Variants in FRMPD4 observed in about 807,000 individuals in gnomAD.
The protein encoded by FRMPD4 is FERM and PDZ domain containing 4.
Under a neutral mutation model 94.1 loss-of-function variants are expected in FRMPD4, and 22 were observed. The ratio of observed to expected loss-of-function variants is 0.23; its 90% CI spans 0.17 to 0.33. The LOEUF (loss-of-function observed/expected upper bound fraction) is 0.33, where lower values mean the gene tolerates loss of function less well. Among genes scored for constraint, FRMPD4 ranks in the 10% least tolerant of loss-of-function variants. FRMPD4 has a pLI of 1.00. For missense variants in FRMPD4, 1,111 were observed against 1,339.9 expected (o/e 0.83, Z 2.67); for synonymous variants, 631 against 548.6 (o/e 1.15, Z -2.10).
intron 1 of FRMPD4, among the ~76,000 whole-genome samples, chrX:12,155,581 C>CAA (rs60727413): frequency 0.07 from 1,534 of 21,913 alleles, 250 homozygotes; most frequent in African/African-American, 0.12. Flanking sequence ...CATATCCTCA[C>CAA]AAAAAAAAAA....
At chrX:12,564,804 A>G (rs2058695666) in intron 2 of FRMPD4, among the ~76,000 whole-genome samples, 1 of 94,962 alleles carries the variant, frequency 1.1e-5, no homozygotes, top group Non-Finnish European at 2.1e-5. Flanking sequence ...AACATCTCAT[A>G]GTACTACAAG....
At chrX:12,011,433 T>C (rs1005325511) in intron 3 of FRMPD4, among the ~76,000 whole-genome samples, 1 of 112,367 alleles carries the variant, frequency 8.9e-6, no homozygotes, top group African/African-American at 3.2e-5. Flanking sequence ...GATTCAATCA[T>C]ACTAGCCACA....
intron 2 of FRMPD4, among the ~76,000 whole-genome samples, chrX:12,513,372 C>T (rs1269795642): frequency 3.6e-5 from 4 of 111,717 alleles, no homozygotes; most frequent in Non-Finnish European, 7.5e-5. Flanking sequence ...AGTCTCTAAT[C>T]GCTCTGGAGT....
At chrX:12,063,612 G>A (rs2054899773) in intron 3 of FRMPD4, among the ~76,000 whole-genome samples, 1 of 111,915 alleles carries the variant, frequency 8.9e-6, no homozygotes, top group African/African-American at 3.2e-5. Context: ...AATTATCCAG[G>A]TGCAGTGGCA....
At chrX:12,200,500 A>T (rs1269937029) in intron 1 of FRMPD4, among the ~76,000 whole-genome samples, 1 of 110,949 alleles carries the variant, frequency 9.0e-6, no homozygotes, top group African/African-American at 3.3e-5. Flanking sequence ...AAATTTTAAA[A>T]TTTTTATTAT....
chrX:12,360,453 G>T (rs747947328), intron 1 of FRMPD4, among the ~76,000 whole-genome samples: 1 of 110,635 alleles, frequency 9.0e-6, no homozygotes, highest in East Asian at 2.8e-4. Flanking sequence ...TTTCAGCCTC[G>T]TTTTTTTTAT....
intron 1 of FRMPD4, among the ~76,000 whole-genome samples, chrX:12,469,440 T>C (rs2057485477): frequency 9.0e-6 from 1 of 111,182 alleles, no homozygotes; most frequent in African/African-American, 3.3e-5. Context: ...TTAGTAGAGA[T>C]AGGGTTTCAC....
intron 1 of FRMPD4, among the ~76,000 whole-genome samples, chrX:12,410,065 T>TAA (rs1381026659): frequency 9.0e-6 from 1 of 111,518 alleles, no homozygotes; most frequent in Non-Finnish European, 1.9e-5. Flanking sequence ...ACTTCCAATT[T>TAA]AAACTGCAAC....
intron 9 of FRMPD4, among the ~76,000 whole-genome samples, chrX:12,698,866 G>T (rs1290976223): frequency 9.0e-6 from 1 of 111,268 alleles, no homozygotes; most frequent in Admixed American, 9.6e-5. Context: ...AACCTTGCGA[G>T]TTCATTGCTA....
chrX:12,598,171 A>AT (rs778703959), intron 2 of FRMPD4, among the ~76,000 whole-genome samples: 1 of 111,046 alleles, frequency 9.0e-6, no homozygotes, highest in South Asian at 3.9e-4. Flanking sequence ...CTGAAATGAG[A>AT]TTTTTCACTG....
chrX:11,847,136 A>G (rs1417179319), intron 1 of FRMPD4, among the ~76,000 whole-genome samples: 1 of 111,356 alleles, frequency 9.0e-6, no homozygotes, highest in Non-Finnish European at 1.9e-5. Flanking sequence ...TACTCATGTG[A>G]CAAAGGGCTA....
chrX:12,709,208 G>A (rs1468680353), intron 13 of FRMPD4, among the ~76,000 whole-genome samples: 1 of 111,905 alleles, frequency 8.9e-6, no homozygotes, highest in Non-Finnish European at 1.9e-5. Context: ...TCAACAAGTA[G>A]TACAGGGGCT....
chrX:12,671,615 T>C (rs1167211651), intron 4 of FRMPD4, among the ~76,000 whole-genome samples: 2 of 110,438 alleles, frequency 1.8e-5, no homozygotes, highest in Non-Finnish European at 1.9e-5. Context: ...GGGATAGCAT[T>C]AGGAGAAATA....
intron 1 of FRMPD4, among the ~76,000 whole-genome samples, chrX:12,185,017 A>G (rs139009370): frequency 0.032 from 3,553 of 111,605 alleles, 69 homozygotes; most frequent in Non-Finnish European, 0.048. Context: ...TTGTAACACA[A>G]AGGATAAAAG....
chrX:12,223,474 G>A (rs1350813324), intron 1 of FRMPD4, among the ~76,000 whole-genome samples: 2 of 111,704 alleles, frequency 1.8e-5, no homozygotes, highest in Non-Finnish European at 3.8e-5. Context: ...GGAAGGGAGA[G>A]AGGATTGAAA....
At chrX:11,894,036 G>A (rs2053889467) in intron 3 of FRMPD4, among the ~76,000 whole-genome samples, 2 of 111,634 alleles carry the variant, frequency 1.8e-5, no homozygotes, top group African/African-American at 3.3e-5. Flanking sequence ...ACCTTTAAAT[G>A]AGGGTTTAGG....
At chrX:12,372,275 G>C (rs1036601413) in intron 1 of FRMPD4, among the ~76,000 whole-genome samples, 3 of 113,141 alleles carry the variant, frequency 2.7e-5, no homozygotes, top group African/African-American at 6.4e-5. Flanking sequence ...TGCCGGAAAC[G>C]TGTCAGCCTT....
intron 1 of FRMPD4, among the ~76,000 whole-genome samples, chrX:12,164,116 A>C: frequency 9.0e-6 from 1 of 110,501 alleles, no homozygotes; most frequent in Middle Eastern, 4.6e-3. Context: ...TAACATATGT[A>C]TACATGTGCC....
intron 1 of FRMPD4, among the ~76,000 whole-genome samples, chrX:12,196,892 A>G: frequency 1.3e-5 from 1 of 77,985 alleles, no homozygotes; most frequent in Non-Finnish European, 2.6e-5. Context: ...GTGAATATAT[A>G]AGAAACACAC....
Sources: allele counts gnomAD v4.1 joint callset (sites outside exome capture counted in the v4.1 genomes callset), GRCh38; gene constraint gnomAD v4.1.1; transcripts MANE v1.5; gene names NCBI Gene and HGNC (gene_info 2026-07-23, HGNC 2026-07-21).